LPIN1: variants seen among roughly 807,000 people sequenced by gnomAD.
LPIN1 encodes lipin 1, also known as phosphatidate phosphatase LPIN1.
Under a neutral mutation model 107.5 loss-of-function variants are expected in LPIN1, and 71 were observed. That is an observed-to-expected ratio of 0.66 (90% CI 0.55 to 0.80). The LOEUF is 0.80. Among genes scored for constraint, LPIN1 ranks in the 30% least tolerant of loss-of-function variants. The pLI is 0.00. For synonymous variants in LPIN1, 445 were observed against 452.6 expected (o/e 0.98, Z 0.21); for missense variants, 1,043 against 1,160.6 (o/e 0.90, Z 1.47).
At chr2:11,693,427 C>A (rs569631972) in intron 1 of LPIN1, among the ~76,000 whole-genome samples, 1 of 152,058 alleles carries the variant, frequency 6.6e-6, no homozygotes, top group African/African-American at 2.4e-5. Flanking sequence ...CTGCACTATT[C>A]GGAGGAGCTA....
upstream of LPIN1, among the ~76,000 whole-genome samples, chr2:11,721,191 A>G (rs1444501799): frequency 6.6e-6 from 1 of 151,344 alleles, no homozygotes; most frequent in Non-Finnish European, 1.5e-5. Context: ...AAATGATATC[A>G]ATATCCCTTG....
intron 17 of LPIN1, among the ~76,000 whole-genome samples, chr2:11,809,435 A>G (rs1328670959): frequency 6.6e-6 from 1 of 150,466 alleles, no homozygotes; most frequent in East Asian, 1.9e-4. Flanking sequence ...TTTTTTTTGG[A>G]GATGGAGTTT....
At chr2:11,693,788 G>GTGTATATATATA (rs1375045563) in intron 1 of LPIN1, among the ~76,000 whole-genome samples, 2 of 40,978 alleles carry the variant, frequency 4.9e-5, no homozygotes, top group African/African-American at 1.9e-4. Context: ...GTGTGAGTGT[G>GTGTATATATATA]TATATATATA....
At chr2:11,714,910 G>C (rs909269010) in intron 2 of LPIN1, among the ~76,000 whole-genome samples, 2 of 152,230 alleles carry the variant, frequency 1.3e-5, no homozygotes, top group African/African-American at 2.4e-5. Flanking sequence ...TGAGAGGTTC[G>C]TCGTTGAGAC....
chr2:11,771,337 C>T lies in LPIN1; in HGVS notation c.289-35C>T, dbSNP rs555233738. On this transcript the variant is annotated intron_variant, in intron 3 of 20. Coordinates refer to ENST00000674199, the MANE Select transcript of LPIN1 (RefSeq NM_001349206.2). The surrounding 1 kb of genome is among the most constrained non-coding windows in gnomAD (Gnocchi z 4.8). ...GCCCTGCTTCTTATACCTGAATTAA[C>T]GAGGCTCTTTTTAGAAAATGTGTTC... is the stretch of plus-strand genomic sequence containing the variant. 254 of 1,606,274 alleles carry T rather than the reference C, an allele frequency of 1.6e-4. 1 individual carries two copies. The South Asian group carries it at 1.6e-3, about 10-fold the overall frequency.
intron 1 of LPIN1, among the ~76,000 whole-genome samples, chr2:11,739,747 AG>A (rs2148556160): frequency 1.3e-5 from 2 of 152,372 alleles, no homozygotes; most frequent in Non-Finnish European, 2.9e-5. Flanking sequence ...GCAAAGAAGC[AG>A]GATAATATGA....
chr2:11,688,575 G>A (rs1323058923), intron 1 of LPIN1, among the ~76,000 whole-genome samples: 2 of 152,196 alleles, frequency 1.3e-5, no homozygotes, highest in Non-Finnish European at 2.9e-5. Flanking sequence ...GGGTCCCGGT[G>A]TCCTGGCCCA....
chr2:11,689,465 C>T (rs982254076), intron 1 of LPIN1, among the ~76,000 whole-genome samples: 12 of 152,192 alleles, frequency 7.9e-5, no homozygotes, highest in African/African-American at 2.7e-4. Context: ...TTTTAAAAAT[C>T]TGACTGACTT....
intron 1 of LPIN1, among the ~76,000 whole-genome samples, chr2:11,747,196 C>G (rs1340066807): frequency 6.6e-6 from 1 of 152,180 alleles, no homozygotes; most frequent in Admixed American, 6.5e-5. Context: ...AGTTGCCGGG[C>G]GGCAGGGCAG....
intron 14 of LPIN1, among the ~76,000 whole-genome samples, chr2:11,796,053 C>T (rs1208333851): frequency 1.3e-5 from 2 of 152,174 alleles, no homozygotes; most frequent in Admixed American, 6.5e-5. Flanking sequence ...AGGACAGTCC[C>T]GTTATACACT....
rs11886222 is a variant in LPIN1, at chr2:11,697,772, C to T, written c.82-15984C>T. On this transcript the variant is annotated intron_variant, in intron 1 of 21. Transcript: ENST00000449576. This position sits in a 1 kb window ranked among gnomAD's most constrained non-coding sequence, Gnocchi z 4.6. ...GGCAGAGTCTGGGTACCAAATGCCC[C>T]GGGCCTTGTGTCCTTCCCCATTTAC... Among the ~76,000 whole-genome samples the T allele has an allele frequency of 0.26, 39,154 of 151,894 alleles. 8,261 individuals are homozygous for T. Among genetic ancestry groups the T allele is most frequent in the African/African-American group, 0.58 (24,108 of 41,296 alleles).
upstream of LPIN1, among the ~76,000 whole-genome samples, chr2:11,719,417 G>GC (rs1228010686): frequency 6.6e-6 from 1 of 152,204 alleles, no homozygotes; most frequent in African/African-American, 2.4e-5. Flanking sequence ...AGTTCTGTAG[G>GC]CAGATGGGCC....
At chr2:11,806,009 A>G (rs2148704926) in intron 17 of LPIN1, among the ~76,000 whole-genome samples, 1 of 151,990 alleles carries the variant, frequency 6.6e-6, no homozygotes, top group South Asian at 2.1e-4. Context: ...CTCCCCCTCC[A>G]CAGCATTCTG....
intron 2 of LPIN1, chr2:11,767,303 G>A: frequency 5.2e-6 from 1 of 192,566 alleles, no homozygotes; most frequent in Admixed American, 5.3e-5. Context: ...TAATGTCTGG[G>A]GCTGGGGAAG....
upstream of LPIN1, among the ~76,000 whole-genome samples, chr2:11,743,086 G>A (rs954265759): frequency 6.6e-6 from 1 of 152,204 alleles, no homozygotes; most frequent in Non-Finnish European, 1.5e-5. The surrounding 1 kb of genome is among the most constrained non-coding windows in gnomAD (Gnocchi z 4.7). Context: ...CACTGTGACA[G>A]TTTTTACGCG....
At chr2:11,766,266 C>T (rs922523971) in intron 2 of LPIN1, among the ~76,000 whole-genome samples, 6 of 152,052 alleles carry the variant, frequency 3.9e-5, no homozygotes, top group African/African-American at 1.2e-4. Flanking sequence ...CATGGCGTCA[C>T]GTCTGCTGTG....
intron 1 of LPIN1, among the ~76,000 whole-genome samples, chr2:11,706,772 C>G (rs1663147535): frequency 6.6e-6 from 1 of 152,176 alleles, no homozygotes; most frequent in Non-Finnish European, 1.5e-5. Context: ...AGCACTTACC[C>G]TCTTGGAGCG....
intron 1 of LPIN1, among the ~76,000 whole-genome samples, chr2:11,751,808 C>T (rs1188237805): frequency 6.6e-6 from 1 of 152,148 alleles, no homozygotes; most frequent in African/African-American, 2.4e-5. Context: ...GCCGAGATTG[C>T]GCCACTGCCC....
chr2:11,784,807 A>C, intron 9 of LPIN1, 79 bp from the exon 10 acceptor site: 1 of 1,380,312 alleles, frequency 7.2e-7, no homozygotes, highest in Non-Finnish European at 1.0e-6. Context: ...GCCGCGTGCC[A>C]GAGCATCACT....
Sources: gnomAD v4.1 joint callset for allele counts (sites outside exome capture counted in the v4.1 genomes callset) on GRCh38, gnomAD v4.1.1 for gene constraint, Gnocchi (gnomAD v3.1) non-coding constraint, MANE v1.5 for transcripts, NCBI Gene and HGNC (gene_info 2026-07-23, HGNC 2026-07-21) for gene names.